USP51: variants seen among roughly 807,000 people sequenced by gnomAD.
USP51 encodes the protein ubiquitin carboxyl-terminal hydrolase 51.
Under a neutral mutation model 17.6 loss-of-function variants are expected in USP51, and 5 were observed. The observed-to-expected ratio is 0.28, with a 90% CI of 0.15 to 0.60. The LOEUF (loss-of-function observed/expected upper bound fraction) is 0.60. USP51 is among the 20% of genes least tolerant of loss of function. The pLI is 0.88. For synonymous variants in USP51, 248 were observed against 216.1 expected (o/e 1.15, Z -1.29); for missense variants, 459 against 559.5 (o/e 0.82, Z 1.81).
chrX:55,486,822 C>T lies in USP51; in HGVS notation c.2118G>A (p.Gln706=). 8.4e-7 allele frequency: 1 copy of T among 1,196,246 alleles called. No homozygotes were observed. The highest frequency in any genetic ancestry group is 1.1e-6 in the Non-Finnish European group (1 of 887,420). Residue 706 remains glutamine, a synonymous_variant, in exon 3 of 3, where the codon CAG becomes CAA. Transcript: ENST00000500968. ...GGTAAGACTAGTCTTTCTCTAGACC[C>T]TGTTTGTGATAGAACAGTAAATACC... ...SEGYLLFYHK[Q]GLEKD
In USP51 at chrX:55,486,928, C is replaced by T. The variant is rs151019334; in HGVS notation, c.2012G>A (p.Arg671Gln). 8.3e-6 allele frequency: 10 copies of T among 1,209,600 alleles called. No individual in the cohort carries two copies. Among genetic ancestry groups the T allele is most frequent in the East Asian group, 3.0e-5 (1 of 33,749 alleles). Residue 671 changes from arginine (R) to glutamine (Q), a missense_variant, in exon 3 of 3, where the codon CGG becomes CAG. Physicochemically the swap from Arg to Gln is conservative, Grantham distance 43. This residue lies in a region of USP51 where 227 missense variants were observed against 365.5 expected (regional missense o/e 0.62). Transcript: ENST00000500968. ...GCTGAACCACTGGTCCTTTTGTTGC[C>T]GGATGAAGCTGGTATAGTGGCCACT... ...LESGHYTSFI[R>Q]QQKDQWFSCD...
Position 55,486,529 on chromosome X carries a change from C to A in USP51, c.*275G>T. 1 of 284,019 alleles carries A rather than the reference C, an allele frequency of 3.5e-6. No individual in the cohort carries two copies. The highest frequency in any genetic ancestry group is 9.9e-4 in the Middle Eastern group (1 of 1,007). The allele number at this position is 284,019 out of a possible 1,213,427, so 23.4% of individuals were successfully genotyped here. A position where few individuals can be genotyped will look rare whatever the true frequency, so the allele number is the denominator to read the frequency against. ...TCAGAACACTTCTACTCCCGTTGTC[C>A]CCACCTAAAGCATTCTTTTCATTTC... On this transcript the variant is annotated 3_prime_UTR_variant, in exon 3 of 3. Transcript: ENST00000500968.
At position 55,488,477 on chromosome X, in the gene USP51, G is replaced by C. The variant is rs1245132480; in HGVS notation, c.463C>G (p.Arg155Gly). Residue 155 changes from arginine (R) to glycine (G), a missense_variant, in exon 3 of 3, where the codon CGG (arginine) becomes GGG (glycine). Physicochemically the swap from Arg to Gly is moderately radical, Grantham distance 125 (BLOSUM62 -2). This residue lies in a region of USP51 where 232 missense variants were observed against 194.0 expected (regional missense o/e 1.20). Coordinates refer to ENST00000500968, the MANE Select transcript of USP51 (RefSeq NM_201286.4). ...CGTGTCTGAGGCCTGGACCCAGGCC[G>C]GGATCTGCGCCGGGATCCACGCCAG... ...RAWRGSRRRSRPGSRPQTRRS... is the reference protein window; with the variant it reads ...RAWRGSRRRSGPGSRPQTRRS... The C allele has an allele frequency of 8.3e-7, 1 of 1,204,559 alleles. No individual in the cohort carries two copies. Among genetic ancestry groups the C allele is most frequent in the Non-Finnish European group, 1.1e-6 (1 of 892,444 alleles).
In USP51 at chrX:55,488,817, C is replaced by T. The variant is rs1349443600; in HGVS notation, c.123G>A (p.Ala41=). Residue 41 remains alanine (A), a synonymous_variant, in exon 3 of 3, where the codon GCG becomes GCA. Coordinates refer to ENST00000500968, the MANE Select transcript of USP51 (RefSeq NM_201286.4). ...VEKAGKMEEA[A]AGATKASSRR... ...TCGAAGACGCCTTCGTAGCCCCCGC[C>T]GCCGCCTCCTCCATTTTCCCCGCCT... is the stretch of plus-strand genomic sequence containing the variant. 8.3e-7 allele frequency: 1 copy of T among 1,211,373 alleles called. No individual in the cohort carries two copies. The highest frequency in any genetic ancestry group is 1.1e-6 in the Non-Finnish European group (1 of 895,484).
Position 55,488,166 on chromosome X carries a change from G to C in USP51, c.774C>G (p.Phe258Leu), listed in dbSNP as rs186103826. 1 of 1,210,164 alleles carries C rather than the reference G, an allele frequency of 8.3e-7. No individual in the cohort carries two copies. Among genetic ancestry groups the C allele is most frequent in the East Asian group, 3.0e-5 (1 of 33,776 alleles). ...SCLSCVFFGC[F>L]TEKHIHKHAE... ...CATGTTTGTGAATATGTTTCTCAGT[G>C]AAGCAGCCAAAAAAGACACAGGAGA... The change falls in exon 3 of 3, where the codon TTC becomes TTG. Residue 258 changes from phenylalanine (F) to leucine (L), a missense_variant. Transcript: ENST00000500968.
At position 55,486,634 on chromosome X, in the gene USP51, A is replaced by ATTTTTT; in HGVS notation, c.*164_*169dup. On this transcript the variant is annotated 3_prime_UTR_variant, in exon 3 of 3. Coordinates refer to ENST00000500968, the MANE Select transcript of USP51 (RefSeq NM_201286.4). ...GTTGAATGGTCACTGGTTAGTATTCATTTTTTTCTTCCGACAGACCCATGG... is the reference window on the plus strand; with the variant it reads ...GTTGAATGGTCACTGGTTAGTATTCATTTTTTTTTTTTTCTTCCGACAGACCCATGG... The ATTTTTT allele has an allele frequency of 1.6e-6, 1 of 617,915 alleles. No homozygotes were observed. Among genetic ancestry groups the ATTTTTT allele is most frequent in the Non-Finnish European group, 2.3e-6 (1 of 426,800 alleles). 50.9% of individuals were successfully genotyped at this position (617,915 alleles called of 1,213,427 possible). A position where few individuals can be genotyped will look rare whatever the true frequency, so the allele number is the denominator to read the frequency against.
chrX:55,486,196 A>G lies in USP51; in HGVS notation c.*608T>C, dbSNP rs1159715779. 9.0e-6 allele frequency: 1 copy of G among 110,628 alleles called. No individual in the cohort carries two copies. The highest frequency in any genetic ancestry group is 3.3e-5 in the African/African-American group (1 of 30,640). The allele number at this position is 110,628 out of a possible 1,213,427, so 9.1% of individuals were successfully genotyped here. On this transcript the variant is annotated 3_prime_UTR_variant, in exon 3 of 3. Coordinates refer to ENST00000500968, the MANE Select transcript of USP51 (RefSeq NM_201286.4). ...TAATTTTCTTTGCTTTTAATTTTTA[A>G]AATTCTGAAACTTCTTTAAATTAAA...
At position 55,486,541 on chromosome X, in the gene USP51, A is replaced by C. The variant is rs948190185; in HGVS notation, c.*263T>G. The C allele has an allele frequency of 6.4e-5, 19 of 297,041 alleles. No individual in the cohort carries two copies. The South Asian group carries it at 1.3e-3, about 21-fold the overall frequency. 24.5% of individuals were successfully genotyped at this position (297,041 alleles called of 1,213,427 possible). The stretch of plus-strand genomic sequence containing the variant: ...TACTCCCGTTGTCCCCACCTAAAGC[A>C]TTCTTTTCATTTCATTATGCTTTAT... On this transcript the variant is annotated 3_prime_UTR_variant, in exon 3 of 3. Transcript: ENST00000500968.
At position 55,488,519 on chromosome X, in the gene USP51, C is replaced by CGGGTGGGGGCGG. The variant is rs745852477; in HGVS notation, c.409_420dup (p.Pro137_Pro140dup). ...CCACGCCAGGCCCTGGGCCGCGGTG[C>CGGGTGGGGGCGG]GGGTGGGGGCGGGGGTGGCGGCGGG... On this transcript the variant is annotated inframe_insertion, in exon 3 of 3. Coordinates refer to ENST00000500968, the MANE Select transcript of USP51 (RefSeq NM_201286.4). The CGGGTGGGGGCGG allele has an allele frequency of 6.5e-4, 569 of 873,352 alleles. 3 individuals are homozygous for CGGGTGGGGGCGG. In the African/African-American group the frequency reaches 0.011, roughly 17 times the overall value. The allele number at this position is 873,352 out of a possible 1,213,427, so 72.0% of individuals were successfully genotyped here.
rs768980022 is a variant in USP51, at chrX:55,487,863, A to G, written c.1077T>C (p.Thr359=). ...KKKRRKKSVY[T]VGLRGLINLG... ...GATTGATTAGCCCTCTCAGGCCTAC[A>G]GTATAGACTGACTTTTTTCTTCTCT... Residue 359 remains threonine (T), a synonymous_variant, in exon 3 of 3, where the codon ACT becomes ACC. Transcript: ENST00000500968. 1.1e-5 allele frequency: 13 copies of G among 1,184,442 alleles called. No individual in the cohort carries two copies. The highest frequency in any genetic ancestry group is 2.4e-4 in the Middle Eastern group (1 of 4,206).
chrX:55,488,366 GAC>G lies in USP51; in HGVS notation c.572_573del (p.Gly191AlafsTer11). The stretch of plus-strand genomic sequence containing the variant: ...CTCTCCACATGAGAGCAGCCTGTGG[GAC>G]CCTGACCAAACTCGACCTCCAGCAA... Reference protein sequence around the residue: ...DWLLEVEFGQGPTGCSHVESF... With the variant: ...DWLLEVEFGQXPTGCSHVESF... On this transcript the variant is annotated frameshift_variant, in exon 3 of 3. Transcript: ENST00000500968. LOFTEE classifies it low-confidence loss of function (END_TRUNC). 1 of 1,211,583 alleles carries G rather than the reference GAC, an allele frequency of 8.3e-7. No individual in the cohort carries two copies. Among genetic ancestry groups the G allele is most frequent in the Non-Finnish European group, 1.1e-6 (1 of 895,271 alleles).
rs2031297892 is a variant in USP51, at chrX:55,485,286, G to C, written c.*1518C>G. The C allele has an allele frequency of 9.0e-6, 1 of 111,465 alleles. No homozygotes were observed. The highest frequency in any genetic ancestry group is 3.8e-4 in the South Asian group (1 of 2,652). 9.2% of individuals were successfully genotyped at this position (111,465 alleles called of 1,213,427 possible). A position where few individuals can be genotyped will look rare whatever the true frequency, so the allele number is the denominator to read the frequency against. On this transcript the variant is annotated 3_prime_UTR_variant, in exon 3 of 3. Coordinates refer to ENST00000500968, the MANE Select transcript of USP51 (RefSeq NM_201286.4). ...GTATGAATAATGCAGTTCTAAATGG[G>C]AAAGTCCCTAATGTTTTCATTTTTC...
In USP51 at chrX:55,487,203, A is replaced by G; in HGVS notation, c.1737T>C (p.Ser579=). The part of the protein sequence containing the change: ...KCNSCQSYQE[S]TKQLTMKKLP... ...ATTTTTTCATTGTGAGCTGTTTAGT[A>G]GACTCCTGGTAGCTTTGGCAACTAT... Residue 579 remains serine (S), a synonymous_variant, in exon 3 of 3, where the codon TCT becomes TCC. Coordinates refer to ENST00000500968, the MANE Select transcript of USP51 (RefSeq NM_201286.4). The G allele has an allele frequency of 8.3e-7, 1 of 1,212,036 alleles. No individual in the cohort carries two copies. Among genetic ancestry groups the G allele is most frequent in the Non-Finnish European group, 1.1e-6 (1 of 895,594 alleles).
Position 55,487,876 on chromosome X carries a change from T to C in USP51, c.1064A>G (p.Lys355Arg), listed in dbSNP as rs769776817. 1 of 1,183,741 alleles carries C rather than the reference T, an allele frequency of 8.4e-7. No homozygotes were observed. The highest frequency in any genetic ancestry group is 1.1e-6 in the Non-Finnish European group (1 of 885,342). ...LVKPKKKRRK[K>R]SVYTVGLRGL... is the part of the protein sequence containing the mutation. ...TCTCAGGCCTACAGTATAGACTGACTTTTTTCTTCTCTTTTTCTTGGGTTT... is the reference window on the plus strand; with the variant it reads ...TCTCAGGCCTACAGTATAGACTGACCTTTTTCTTCTCTTTTTCTTGGGTTT... The change falls in exon 3 of 3, where the codon AAG becomes AGG. Residue 355 changes from lysine (K) to arginine (R), a missense_variant. By Grantham distance (26) the Lys-to-Arg change is conservative. Coordinates refer to ENST00000500968, the MANE Select transcript of USP51 (RefSeq NM_201286.4).
In USP51 at chrX:55,488,220, A is replaced by G; in HGVS notation, c.720T>C (p.Ser240=). The change falls in exon 3 of 3, where the codon AGT becomes AGC. Residue 240 remains serine (S), a synonymous_variant. Coordinates refer to ENST00000500968, the MANE Select transcript of USP51 (RefSeq NM_201286.4). ...KAKSCICHVC[S]THMNRLHSCL... The stretch of plus-strand genomic sequence containing the variant: ...AAGAGTGGAGTCTGTTCATATGGGT[A>G]CTACATACGTGACAGATGCATGACT... 1 of 1,212,021 alleles carries G rather than the reference A, an allele frequency of 8.3e-7. No homozygotes were observed. Among genetic ancestry groups the G allele is most frequent in the Non-Finnish European group, 1.1e-6 (1 of 895,576 alleles).
Position 55,488,679 on chromosome X carries a change from G to A in USP51, c.261C>T (p.Ile87=), listed in dbSNP as rs776073246. 13 of 1,196,861 alleles carry A rather than the reference G, an allele frequency of 1.1e-5. No individual in the cohort carries two copies. Among genetic ancestry groups the A allele is most frequent in the African/African-American group, 8.7e-5 (5 of 57,343 alleles). Residue 87 remains isoleucine (I), a synonymous_variant, in exon 3 of 3, where the codon ATC becomes ATT. Transcript: ENST00000500968. ...SGGDEKVLPS[I]PLRCHSSSSP... is the part of the protein sequence containing the mutation. Reference sequence around the variant, plus strand: ...AGGAGCTGCTGTGACAGCGAAGGGGGATTGAAGGGAGCACCTTCTCGTCGC... The same window carrying A: ...AGGAGCTGCTGTGACAGCGAAGGGGAATTGAAGGGAGCACCTTCTCGTCGC...
Position 55,488,544 on chromosome X carries a change from G to T in USP51, c.396C>A (p.Pro132=). The change falls in exon 3 of 3, where the codon CCC becomes CCA. Residue 132 remains proline, a synonymous_variant. Coordinates refer to ENST00000500968, the MANE Select transcript of USP51 (RefSeq NM_201286.4). ...APPPPPARPP[P]PPPPPPPPAP... ...CGGGTGGGGGCGGGGGTGGCGGCGG[G>T]GGCGGGGGCCGGGCTGGAGGCGGGG... 9.8e-7 allele frequency: 1 copy of T among 1,017,097 alleles called. No homozygotes were observed. The highest frequency in any genetic ancestry group is 3.5e-5 in the South Asian group (1 of 28,539). The allele number at this position is 1,017,097 out of a possible 1,213,427, so 83.8% of individuals were successfully genotyped here.
Position 55,489,782 on chromosome X carries a change from C to A in USP51, c.-253G>T, listed in dbSNP as rs1221631878. ...GTTTAAAGGTCTGGGTTACCTTGGG[C>A]CCCAGGCGCGTGATATAGAACGTCA... is the stretch of plus-strand genomic sequence containing the variant. On this transcript the variant is annotated 5_prime_UTR_variant, in exon 1 of 3. Coordinates refer to ENST00000500968, the MANE Select transcript of USP51 (RefSeq NM_201286.4). Among the ~76,000 whole-genome samples, 2 of 111,916 alleles carry A rather than the reference C, an allele frequency of 1.8e-5. No homozygotes were observed. Among genetic ancestry groups the A allele is most frequent in the Non-Finnish European group, 3.8e-5 (2 of 53,166 alleles).
At position 55,488,968 on chromosome X, in the gene USP51, G is replaced by T. The variant is rs1333204025; in HGVS notation, c.-29C>A. On this transcript the variant is annotated 5_prime_UTR_variant, in exon 3 of 3. Transcript: ENST00000500968. ...ATCACTCCCCGACCTGAGGAGCAAG[G>T]CGTCTGGAAAACAGCTGCGACTGTA... 1 of 1,186,265 alleles carries T rather than the reference G, an allele frequency of 8.4e-7. No individual in the cohort carries two copies. Among genetic ancestry groups the T allele is most frequent in the East Asian group, 3.1e-5 (1 of 32,289 alleles).
Sources: gnomAD v4.1 joint callset for allele counts (sites outside exome capture counted in the v4.1 genomes callset) on GRCh38, gnomAD v4.1.1 for gene constraint, gnomAD v4.1.1 regional missense constraint, MANE v1.5 for transcripts, NCBI Gene and HGNC (gene_info 2026-07-23, HGNC 2026-07-21) for gene names.